Variants in MOCS2 observed in about 807,000 individuals in gnomAD.
MOCS2 encodes the protein molybdopterin synthase catalytic subunit.
Under a neutral mutation model 21.9 loss-of-function variants are expected in MOCS2, and 13 were observed. That is an observed-to-expected ratio of 0.59 (90% CI 0.39 to 0.94). The LOEUF (loss-of-function observed/expected upper bound fraction) is 0.94, where lower values mean the gene tolerates loss of function less well. MOCS2 is among the 40% of genes least tolerant of loss of function. MOCS2 has a pLI of 0.00. For missense variants in MOCS2, 227 were observed against 218.3 expected (o/e 1.04, Z -0.25); for synonymous variants, 92 against 80.8 (o/e 1.14, Z -0.74).
chr5:53,102,549 T>A (rs1443368841), intron 3 of MOCS2, among the ~76,000 whole-genome samples: 2 of 133,918 alleles, frequency 1.5e-5, no homozygotes, highest in African/African-American at 5.7e-5. Flanking sequence ...ATAATGTTGA[T>A]CACTGATTGG....
rs770124369 is a variant in MOCS2 at position 53,102,170 on chromosome 5, G to A, written c.153C>T (p.Ala51=). ...EKSKDVINFT[A]EKLSVDEVSQ... is the part of the protein sequence containing the mutation. ...AGACTTCATCTACTGAAAGTTTCTC[G>A]GCAGTAAAGTTTATAACATCTTTAG... Residue 51 remains alanine, a synonymous_variant, in exon 4 of 7, where the codon GCC becomes GCT. Transcript: ENST00000396954. 30 of 1,612,426 alleles carry A rather than the reference G, an allele frequency of 1.9e-5. No homozygotes were observed. Among genetic ancestry groups the A allele is most frequent in the East Asian group, 1.6e-4 (7 of 44,860 alleles).
intron 2 of MOCS2, 140 bp downstream of exon 2, chr5:53,108,382 G>T: frequency 2.5e-6 from 2 of 799,038 alleles, no homozygotes; most frequent in Non-Finnish European, 3.9e-6. Flanking sequence ...GAGTTTTTCA[G>T]GTGTTCCAAA....
chr5:53,101,931 G>A (rs1312235513), intron 4 of MOCS2, among the ~76,000 whole-genome samples, 166 bp downstream of exon 4: 1 of 152,014 alleles, frequency 6.6e-6, no homozygotes, highest in Non-Finnish European at 1.5e-5. Flanking sequence ...TAATTTGAAG[G>A]TTACTAAAAC....
intron 3 of MOCS2, 133 bp from the exon 4 acceptor site, chr5:53,102,357 T>C (rs960574586): frequency 2.3e-6 from 2 of 885,288 alleles, no homozygotes; most frequent in East Asian, 2.7e-5. Context: ...GCACAAAATA[T>C]AGTTTACATG....
intron 2 of MOCS2, chr5:53,108,227 A>G (rs1037993210): frequency 1.1e-5 from 3 of 262,556 alleles, no homozygotes; most frequent in Admixed American, 1.1e-4. Flanking sequence ...ATTTGTAACA[A>G]TTTCATTTAA....
Position 53,095,865 on chromosome 5 carries a change from T to C in MOCS2, c.*2737A>G, listed in dbSNP as rs1050816545. 1.3e-5 allele frequency: 2 copies of C among 152,212 alleles called. No individual in the cohort carries two copies. Among genetic ancestry groups the C allele is most frequent in the Non-Finnish European group, 1.5e-5 (1 of 68,036 alleles). The allele number at this position is 152,212 out of a possible 1,614,324, so 9.4% of individuals were successfully genotyped here. On this transcript the variant is annotated 3_prime_UTR_variant, in exon 7 of 7. Coordinates refer to ENST00000396954, the MANE Select transcript of MOCS2 (RefSeq NM_004531.5). ...TTATTCTACATCACTTGTTAAAAAC[T>C]ACAAATTGCATTTTCAAAAACTCCT...
At chr5:53,105,139 T>C (rs1341786595) in intron 3 of MOCS2, among the ~76,000 whole-genome samples, 1 of 152,110 alleles carries the variant, frequency 6.6e-6, no homozygotes, top group African/African-American at 2.4e-5. Context: ...TCAGGCATTA[T>C]TAGCTGTGAA....
chr5:53,102,224 C>T lies in MOCS2; in HGVS notation c.99G>A (p.Arg33=), dbSNP rs1324279521. 6.2e-7 allele frequency: 1 copy of T among 1,611,400 alleles called. No individual in the cohort carries two copies. Among genetic ancestry groups the T allele is most frequent in the Non-Finnish European group, 8.5e-7 (1 of 1,178,064 alleles). Residue 33 remains arginine (R), a splice_region_variant and synonymous_variant, in exon 4 of 7, where the codon AGG becomes AGA. Coordinates refer to ENST00000396954, the MANE Select transcript of MOCS2 (RefSeq NM_004531.5). ...LVEDSAFEPS[R]KDMDEVEEKS... is the part of the protein sequence containing the mutation. ...TCTCTTCAACTTCATCCATATCTTT[C>T]CTAGAAATAATACATTAACAAACCT... is the stretch of plus-strand genomic sequence containing the variant.
At position 53,109,567 on chromosome 5, in the gene MOCS2, G is replaced by GGGGGCGC; in HGVS notation, c.-487_-486insGCGCCCC. ...AGGGCCCGGGGGCGGGGGCGGGGGC[G>GGGGGCGC]CCCCCGAACCCAAGACGCCGGCCAG... On this transcript the variant is annotated 5_prime_UTR_variant, in exon 1 of 7. Coordinates refer to ENST00000396954, the MANE Select transcript of MOCS2 (RefSeq NM_004531.5). 1 of 1,408,210 alleles carries GGGGGCGC rather than the reference G, an allele frequency of 7.1e-7. No homozygotes were observed. Among genetic ancestry groups the GGGGGCGC allele is most frequent in the Non-Finnish European group, 9.3e-7 (1 of 1,080,722 alleles). The allele number at this position is 1,408,210 out of a possible 1,614,324, so 87.2% of individuals were successfully genotyped here.
intron 5 of MOCS2, chr5:53,100,902 T>A (rs562087720): frequency 2.0e-4 from 63 of 308,828 alleles, no homozygotes; most frequent in African/African-American, 1.2e-3. Context: ...ATAATACATA[T>A]CAAGTAATAG....
At chr5:53,100,572 C>T in intron 5 of MOCS2, 38 bp from the exon 6 acceptor site, 2 of 1,609,904 alleles carry the variant, frequency 1.2e-6, no homozygotes, top group Non-Finnish European at 1.7e-6. Context: ...TCACCATCAT[C>T]TCTGAATCTA....
intron 2 of MOCS2, 80 bp from the exon 3 acceptor site, chr5:53,107,301 C>T: frequency 3.9e-6 from 5 of 1,285,870 alleles, no homozygotes; most frequent in Non-Finnish European, 5.5e-6. Flanking sequence ...AGAGATATTA[C>T]ATAGATATAA....
intron 3 of MOCS2, among the ~76,000 whole-genome samples, chr5:53,104,014 T>C (rs925561647): frequency 1.1e-4 from 17 of 152,220 alleles, no homozygotes; most frequent in Admixed American, 5.9e-4. Context: ...GGAATATAAT[T>C]ATTAATCCTG....
chr5:53,103,178 T>C (rs544258038), intron 3 of MOCS2, among the ~76,000 whole-genome samples: 53 of 152,314 alleles, frequency 3.5e-4, no homozygotes, highest in East Asian at 1.7e-3. Flanking sequence ...CAAAACTCAA[T>C]TATGTGTATA....
intron 3 of MOCS2, among the ~76,000 whole-genome samples, chr5:53,106,224 T>C (rs974485086): frequency 6.6e-6 from 1 of 152,218 alleles, no homozygotes; most frequent in Non-Finnish European, 1.5e-5. Context: ...AATATAATCG[T>C]TCTGTCATAA....
intron 5 of MOCS2, 180 bp downstream of exon 5, chr5:53,101,179 C>A: frequency 1.5e-6 from 1 of 686,676 alleles, no homozygotes; most frequent in Admixed American, 2.5e-5. Context: ...CTCCCAATAT[C>A]AAAACTCACT....
At position 53,098,145 on chromosome 5, in the gene MOCS2, A is replaced by G. The variant is rs1740798030; in HGVS notation, c.*457T>C. 1 of 161,856 alleles carries G rather than the reference A, an allele frequency of 6.2e-6. No homozygotes were observed. The highest frequency in any genetic ancestry group is 2.4e-5 in the African/African-American group (1 of 41,636). The allele number at this position is 161,856 out of a possible 1,614,324, so 10.0% of individuals were successfully genotyped here. The stretch of plus-strand genomic sequence containing the variant: ...TGTATAATATCAAGACTGTCTGATA[A>G]TGCTTTTTTAATACTTTCCAGTTCT... On this transcript the variant is annotated 3_prime_UTR_variant, in exon 7 of 7. Coordinates refer to ENST00000396954, the MANE Select transcript of MOCS2 (RefSeq NM_004531.5).
At chr5:53,100,649 G>A in intron 5 of MOCS2, 115 bp from the exon 6 acceptor site, 1 of 1,093,428 alleles carries the variant, frequency 9.1e-7, no homozygotes, top group Non-Finnish European at 1.4e-6. Context: ...TTATACTGTA[G>A]TTCTATTTTA....
At chr5:53,100,607 A>G (rs1740883981) in intron 5 of MOCS2, 73 bp from the exon 6 acceptor site, 1 of 1,525,394 alleles carries the variant, frequency 6.6e-7, no homozygotes, top group Admixed American at 1.8e-5. Context: ...TGCTAGACAG[A>G]TGAAAAAAAA....
Sources: allele counts gnomAD v4.1 joint callset (sites outside exome capture counted in the v4.1 genomes callset), GRCh38; gene constraint gnomAD v4.1.1; transcripts MANE v1.5; gene names NCBI Gene and HGNC (gene_info 2026-07-23, HGNC 2026-07-21).